The following WDR33 variants were observed in gnomAD, a reference collection of about 807,000 sequenced individuals.
WDR33 encodes the protein pre-mRNA 3' end processing protein WDR33.
WDR33 carries 47 observed loss-of-function variants against 164.9 expected under a neutral mutation model. The ratio of observed to expected loss-of-function variants is 0.29; its 90% CI spans 0.23 to 0.36. The LOEUF (loss-of-function observed/expected upper bound fraction) is 0.36, where lower values mean the gene tolerates loss of function less well. Among genes scored for constraint, WDR33 ranks in the 10% least tolerant of loss-of-function variants. The pLI is 1.00. For missense variants in WDR33, 1,137 were observed against 1,754.1 expected (o/e 0.65, Z 6.28); for synonymous variants, 505 against 589.0 (o/e 0.86, Z 2.06).
chr2:127,785,665 T>C (rs186976556), intron 1 of WDR33, among the ~76,000 whole-genome samples: 5 of 152,328 alleles, frequency 3.3e-5, no homozygotes, highest in African/African-American at 1.2e-4. Flanking sequence ...TTTTTGTTTT[T>C]ACTACTATTA....
At position 127,708,595 on chromosome 2, in the gene WDR33, C is replaced by G; in HGVS notation, c.3781+82G>C. On this transcript the variant is annotated intron_variant, in intron 21 of 21. Transcript: ENST00000322313. This position sits in a 1 kb window ranked among gnomAD's most constrained non-coding sequence, Gnocchi z 6.7. ...ATGTGCCTCTGCACAGCCCAGGCTG[C>G]AAGGGCATGTGCAGCAGATACAGGC... 1 of 1,440,272 alleles carries G rather than the reference C, an allele frequency of 6.9e-7. No homozygotes were observed. 89.2% of individuals were successfully genotyped at this position (1,440,272 alleles called of 1,614,324 possible).
At chr2:127,802,147 G>A (rs1309897180) in intron 1 of WDR33, among the ~76,000 whole-genome samples, 1 of 150,854 alleles carries the variant, frequency 6.6e-6, no homozygotes, top group Non-Finnish European at 1.5e-5. Context: ...CAGCCTGGAG[G>A]AGAGAGCAAG....
Position 127,723,118 on chromosome 2 carries a change from AAATG to A in WDR33, c.1292-78_1292-75del. ...GACTGATAAAATTAATGCTTTATAAAAATGAATGTCACTGATGATTTATAAATAA... is the reference window on the plus strand; with the variant it reads ...GACTGATAAAATTAATGCTTTATAAAAATGTCACTGATGATTTATAAATAA... On this transcript the variant is annotated intron_variant, in intron 12 of 21. Coordinates refer to ENST00000322313, the MANE Select transcript of WDR33 (RefSeq NM_018383.5). This position sits in a 1 kb window ranked among gnomAD's most constrained non-coding sequence, Gnocchi z 5.9. 1 of 1,454,452 alleles carries A rather than the reference AAATG, an allele frequency of 6.9e-7. No homozygotes were observed. Among genetic ancestry groups the A allele is most frequent in the South Asian group, 1.3e-5 (1 of 78,512 alleles). 90.1% of individuals were successfully genotyped at this position (1,454,452 alleles called of 1,614,324 possible).
chr2:127,794,530 A>G, intron 1 of WDR33, among the ~76,000 whole-genome samples: 1 of 150,388 alleles, frequency 6.6e-6, no homozygotes, highest in South Asian at 2.1e-4. Flanking sequence ...AAAAGAAAAG[A>G]GACAAAGACA....
chr2:127,749,207 ATGCAAC>A (rs1687247893), intron 7 of WDR33, among the ~76,000 whole-genome samples: 1 of 152,172 alleles, frequency 6.6e-6, no homozygotes, highest in South Asian at 2.1e-4. Flanking sequence ...GCATAGTGGC[ATGCAAC>A]TGCAGTCCCA....
At chr2:127,749,301 T>G (rs116379320) in intron 7 of WDR33, among the ~76,000 whole-genome samples, 3,249 of 152,258 alleles carry the variant, frequency 0.021, 126 homozygotes, top group African/African-American at 0.075. Flanking sequence ...GCCACTGCAC[T>G]CCAACCTGGG....
chr2:127,719,951 G>A lies in WDR33; in HGVS notation c.2074C>T (p.Pro692Ser). The change falls in exon 16 of 22, where the codon CCA becomes TCA. Residue 692 changes from proline (P) to serine (S), a missense_variant. Around this residue, in one of 9 missense-constraint regions of WDR33, gnomAD observed 867 missense variants for 1,073.0 expected, o/e 0.81. Transcript: ENST00000322313. The surrounding 1 kb of genome is among the most constrained non-coding windows in gnomAD (Gnocchi z 6.5). ...CCAGAACTACCTTGTGGTCCAGGTG[G>A]CCCTTGAGGTCCCAAAGGGCCATGA... is the stretch of plus-strand genomic sequence containing the variant. ...GPHGPLGPQG[P>S]PGPQGSSGPQ... is the part of the protein sequence containing the mutation. 1.2e-6 allele frequency: 2 copies of A among 1,614,032 alleles called. No individual in the cohort carries two copies. Among genetic ancestry groups the A allele is most frequent in the Non-Finnish European group, 1.7e-6 (2 of 1,179,996 alleles).
chr2:127,701,549 G>T lies in WDR33; in HGVS notation c.*4774C>A, dbSNP rs1221876396. The T allele has an allele frequency of 7.4e-7, 1 of 1,351,948 alleles. No homozygotes were observed. 83.7% of individuals were successfully genotyped at this position (1,351,948 alleles called of 1,614,324 possible). A position where few individuals can be genotyped will look rare whatever the true frequency, so the allele number is the denominator to read the frequency against. ...CCAAGATGGCGGACCTCCACCGCCAGCTGCAGGAGTACCTGGCGCAGGGGA... is the reference window on the plus strand; with the variant it reads ...CCAAGATGGCGGACCTCCACCGCCATCTGCAGGAGTACCTGGCGCAGGGGA... On this transcript the variant is annotated 3_prime_UTR_variant, in exon 22 of 22. Coordinates refer to ENST00000322313, the MANE Select transcript of WDR33 (RefSeq NM_018383.5).
rs370071785 is a variant in WDR33 at position 127,710,949 on chromosome 2, A to G, written c.3309-1093T>C. Among the ~76,000 whole-genome samples, 7 of 152,284 alleles carry G rather than the reference A, an allele frequency of 4.6e-5. No homozygotes were observed. In the East Asian group the frequency reaches 1.2e-3, roughly 25 times the overall value. On this transcript the variant is annotated intron_variant, in intron 18 of 21. Transcript: ENST00000322313. This position sits in a 1 kb window ranked among gnomAD's most constrained non-coding sequence, Gnocchi z 4.4. ...CGTGCTTTATCTTCTCCGTCCAGCT[A>G]CTCACAAACATGTTTTCTAAACCAT...
At chr2:127,808,827 G>A (rs534048468) in intron 1 of WDR33, among the ~76,000 whole-genome samples, 2 of 152,156 alleles carry the variant, frequency 1.3e-5, no homozygotes, top group East Asian at 1.9e-4. Context: ...TCAGGAGATC[G>A]AGACCATCCT....
intron 7 of WDR33, among the ~76,000 whole-genome samples, chr2:127,727,806 C>T (rs1234163487): frequency 1.3e-5 from 2 of 152,192 alleles, no homozygotes; most frequent in Non-Finnish European, 2.9e-5. Context: ...GCTTCCTTCT[C>T]TACCCTGGAT....
At chr2:127,799,313 T>C (rs1037652584) in intron 1 of WDR33, among the ~76,000 whole-genome samples, 4 of 152,040 alleles carry the variant, frequency 2.6e-5, no homozygotes, top group Admixed American at 1.3e-4. Context: ...ACTGTCTTCC[T>C]ACACATGACT....
rs10165881 is a variant in WDR33, at chr2:127,724,410, A to G, written c.1119T>C (p.Ala373=). Residue 373 remains alanine, a synonymous_variant, in exon 11 of 22, where the codon GCT becomes GCC. Coordinates refer to ENST00000322313, the MANE Select transcript of WDR33 (RefSeq NM_018383.5). This position sits in a 1 kb window ranked among gnomAD's most constrained non-coding sequence, Gnocchi z 4.8. ...CCAGACTCCAGATCATCCCTTCGTG[A>G]GCCATCTCCATCCCACCCACTTCCT... ...VEKEVGGMEM[A]HEGMIWSLAW... The G allele has an allele frequency of 1.3e-3, 2,147 of 1,614,190 alleles. 23 individuals are homozygous for G. In the African/African-American group the frequency reaches 0.025, roughly 19 times the overall value.
chr2:127,806,080 C>T (rs1689430187), intron 1 of WDR33, among the ~76,000 whole-genome samples: 1 of 151,258 alleles, frequency 6.6e-6, no homozygotes, highest in African/African-American at 2.4e-5. Flanking sequence ...CCACTGCACT[C>T]CAACCTGGAT....
At position 127,701,836 on chromosome 2, in the gene WDR33, T is replaced by TGC; in HGVS notation, c.*4485_*4486dup. 4 of 1,458,810 alleles carry TGC rather than the reference T, an allele frequency of 2.7e-6. No individual in the cohort carries two copies. The highest frequency in any genetic ancestry group is 2.6e-5 in the South Asian group (2 of 77,710). The allele number at this position is 1,458,810 out of a possible 1,614,324, so 90.4% of individuals were successfully genotyped here. A position where few individuals can be genotyped will look rare whatever the true frequency, so the allele number is the denominator to read the frequency against. On this transcript the variant is annotated 3_prime_UTR_variant, in exon 22 of 22. Coordinates refer to ENST00000322313, the MANE Select transcript of WDR33 (RefSeq NM_018383.5). ...GCGCTCTACGCACCGGTGTTGCTGC[T>TGC]GCGCGCGCGCAAGTTCGCGCTGCTC...
At chr2:127,774,618 AG>A (rs940297772) in intron 1 of WDR33, among the ~76,000 whole-genome samples, 1 of 152,166 alleles carries the variant, frequency 6.6e-6, no homozygotes, top group Non-Finnish European at 1.5e-5. Flanking sequence ...TCACAAGGTC[AG>A]GAGATCGAGA....
intron 2 of WDR33, among the ~76,000 whole-genome samples, chr2:127,769,335 A>G (rs7594272): frequency 0.042 from 6,383 of 152,158 alleles, 395 homozygotes; most frequent in African/African-American, 0.14. Flanking sequence ...TAAAACTACA[A>G]GCCAGAAATC....
intron 18 of WDR33, among the ~76,000 whole-genome samples, chr2:127,711,780 A>ATATATTT: frequency 1.1e-5 from 1 of 88,320 alleles, no homozygotes; most frequent in Non-Finnish European, 2.0e-5. Context: ...ATATATATAT[A>ATATATTT]TTTTTTTTTT....
At chr2:127,732,868 T>G (rs1231748221) in intron 7 of WDR33, among the ~76,000 whole-genome samples, 1 of 152,250 alleles carries the variant, frequency 6.6e-6, no homozygotes, top group Non-Finnish European at 1.5e-5. Context: ...ACATGGTTTA[T>G]TAATTTCAAA....
Sources: gnomAD v4.1 joint callset for allele counts (sites outside exome capture counted in the v4.1 genomes callset) on GRCh38, gnomAD v4.1.1 for gene constraint, gnomAD v4.1.1 regional missense constraint, Gnocchi (gnomAD v3.1) non-coding constraint, MANE v1.5 for transcripts, NCBI Gene and HGNC (gene_info 2026-07-23, HGNC 2026-07-21) for gene names.